The following CTNNA2 variants were observed in gnomAD, a reference collection of about 807,000 sequenced individuals.
The protein encoded by CTNNA2 is catenin alpha 2.
In CTNNA2, 42 loss-of-function variants were observed where a neutral mutation model predicts 101.0. The observed-to-expected ratio is 0.42, with a 90% CI of 0.32 to 0.54. The LOEUF (loss-of-function observed/expected upper bound fraction) is 0.54, where lower values mean the gene tolerates loss of function less well. CTNNA2 is among the 20% of genes least tolerant of loss of function. CTNNA2 has a pLI of 0.14. For synonymous variants in CTNNA2, 450 were observed against 456.4 expected (o/e 0.99, Z 0.18); for missense variants, 871 against 1,223.1 (o/e 0.71, Z 4.29).
At chr2:79,852,034 G>C (rs181751312) in intron 3 of CTNNA2, among the ~76,000 whole-genome samples, 1 of 151,646 alleles carries the variant, frequency 6.6e-6, no homozygotes, top group Admixed American at 6.6e-5. Flanking sequence ...CACAACACCC[G>C]GCCTTCTCTC....
intron 1 of CTNNA2, among the ~76,000 whole-genome samples, chr2:79,587,993 C>T (rs1461043071): frequency 6.6e-6 from 1 of 152,032 alleles, no homozygotes; most frequent in African/African-American, 2.4e-5. Flanking sequence ...GATGGATGCC[C>T]TTCAAAGTAA....
chr2:79,569,036 A>C (rs1675301397), intron 1 of CTNNA2, among the ~76,000 whole-genome samples: 1 of 152,170 alleles, frequency 6.6e-6, no homozygotes, highest in Non-Finnish European at 1.5e-5. Flanking sequence ...CCCGTCTCAA[A>C]AAAATAAAAA....
chr2:79,863,730 A>G (rs1681817228), intron 4 of CTNNA2, among the ~76,000 whole-genome samples: 1 of 152,130 alleles, frequency 6.6e-6, no homozygotes, highest in Admixed American at 6.5e-5. Context: ...AGGGCACTCT[A>G]GGGAGGACCC....
At chr2:80,524,662 C>G (rs1209844714) in intron 9 of CTNNA2, among the ~76,000 whole-genome samples, 1 of 152,188 alleles carries the variant, frequency 6.6e-6, no homozygotes, top group Non-Finnish European at 1.5e-5. Context: ...CTCCCTATGC[C>G]ACTAGCCCCT....
chr2:79,217,037 G>GA (rs1176677766), intron 2 of CTNNA2, among the ~76,000 whole-genome samples: 2 of 152,198 alleles, frequency 1.3e-5, no homozygotes, highest in East Asian at 1.9e-4. Context: ...GTCTCTACCA[G>GA]AAAATGAAAG....
chr2:80,488,323 T>G (rs1361086985), intron 9 of CTNNA2, among the ~76,000 whole-genome samples: 16 of 152,148 alleles, frequency 1.1e-4, no homozygotes, highest in Admixed American at 1.0e-3. Context: ...TTTTGTTTTT[T>G]TTCCCACCTG....
chr2:79,186,359 A>G (rs1673778935), intron 1 of CTNNA2, among the ~76,000 whole-genome samples: 1 of 152,208 alleles, frequency 6.6e-6, no homozygotes. Flanking sequence ...AGGAGGTGAC[A>G]AGGATAAGAA....
chr2:80,018,356 C>T (rs1414245137), intron 7 of CTNNA2, among the ~76,000 whole-genome samples: 6 of 152,166 alleles, frequency 3.9e-5, no homozygotes, highest in Admixed American at 3.3e-4. Context: ...TCCCACTCAT[C>T]GTTTGCTGGA....
chr2:79,513,460 A>G (rs967628992), intron 1 of CTNNA2, among the ~76,000 whole-genome samples: 2 of 151,522 alleles, frequency 1.3e-5, no homozygotes, highest in Non-Finnish European at 2.9e-5. Flanking sequence ...GCCCTAGAGC[A>G]CAGCTCTGCA....
chr2:79,777,820 GTGAATAGA>G (rs1459093322), intron 3 of CTNNA2, among the ~76,000 whole-genome samples: 1 of 151,700 alleles, frequency 6.6e-6, no homozygotes, highest in East Asian at 1.9e-4. Context: ...CCAGGACAGG[GTGAATAGA>G]TATTTGTAAA....
At chr2:79,540,959 A>G (rs1174114076) in intron 1 of CTNNA2, among the ~76,000 whole-genome samples, 1 of 152,104 alleles carries the variant, frequency 6.6e-6, no homozygotes, top group African/African-American at 2.4e-5. Flanking sequence ...GATTGGTGTG[A>G]TTAAATGTCA....
chr2:79,799,933 G>T (rs764107982), intron 3 of CTNNA2, among the ~76,000 whole-genome samples: 1 of 152,124 alleles, frequency 6.6e-6, no homozygotes, highest in Non-Finnish European at 1.5e-5. Context: ...TTGCTTAGAG[G>T]GGAAAAGTTC....
intron 1 of CTNNA2, among the ~76,000 whole-genome samples, chr2:79,541,427 CATATATATAT>C (rs9284785): frequency 0.07 from 10,037 of 142,688 alleles, 842 homozygotes; most frequent in African/African-American, 0.2. Context: ...CGCACACACA[CATATATATAT>C]ATATATATAT....
intron 7 of CTNNA2, among the ~76,000 whole-genome samples, chr2:80,341,726 A>G (rs1035371302): frequency 3.3e-5 from 5 of 152,204 alleles, no homozygotes; most frequent in African/African-American, 1.2e-4. Flanking sequence ...GTTGCTAAAT[A>G]TAGAGTTACC....
intron 17 of CTNNA2, among the ~76,000 whole-genome samples, chr2:80,615,875 T>C (rs754797636): frequency 1.3e-5 from 2 of 151,714 alleles, no homozygotes; most frequent in Non-Finnish European, 3.0e-5. Flanking sequence ...AGATTTCTTT[T>C]ACTGCATCGG....
intron 9 of CTNNA2, among the ~76,000 whole-genome samples, chr2:80,503,248 A>T (rs1450666648): frequency 6.6e-6 from 1 of 152,214 alleles, no homozygotes; most frequent in African/African-American, 2.4e-5. Flanking sequence ...AAATCTTTCA[A>T]TCATAGGATA....
intron 3 of CTNNA2, among the ~76,000 whole-genome samples, chr2:79,785,429 G>T (rs181310320): frequency 6.6e-6 from 1 of 152,088 alleles, no homozygotes; most frequent in South Asian, 2.1e-4. Context: ...ATGCATTTAG[G>T]ATTTTCTCCC....
chr2:79,368,953 C>T (rs112646947), intron 3 of CTNNA2, among the ~76,000 whole-genome samples: 6 of 152,232 alleles, frequency 3.9e-5, no homozygotes, highest in South Asian at 2.1e-4. Flanking sequence ...ATGATGCTGC[C>T]GCTTGAAGAA....
chr2:79,957,332 GCAT>G (rs1689307127), intron 7 of CTNNA2, among the ~76,000 whole-genome samples: 1 of 152,170 alleles, frequency 6.6e-6, no homozygotes, highest in South Asian at 2.1e-4. Flanking sequence ...TCTACAGAAA[GCAT>G]CTTCCATGTC....
Sources: allele counts gnomAD v4.1 joint callset (sites outside exome capture counted in the v4.1 genomes callset), GRCh38; gene constraint gnomAD v4.1.1; transcripts MANE v1.5; gene names NCBI Gene and HGNC (gene_info 2026-07-23, HGNC 2026-07-21).